The following ZFPM2 variants were observed in gnomAD, a reference collection of about 807,000 sequenced individuals.
ZFPM2 encodes zinc finger protein ZFPM2.
A neutral mutation model predicts 98.6 loss-of-function variants in ZFPM2; 20 were observed. The observed-to-expected ratio is 0.20, with a 90% confidence interval of 0.14 to 0.29. The LOEUF (loss-of-function observed/expected upper bound fraction) is 0.29, where lower values mean the gene tolerates loss of function less well. ZFPM2 is among the 10% of genes least tolerant of loss of function. The pLI is 1.00. For missense variants in ZFPM2, 1,310 were observed against 1,388.6 expected (o/e 0.94, Z 0.90); for synonymous variants, 518 against 502.7 (o/e 1.03, Z -0.41).
At chr8:105,584,288 T>A (rs1815666048) in intron 4 of ZFPM2, among the ~76,000 whole-genome samples, 1 of 152,196 alleles carries the variant, frequency 6.6e-6, no homozygotes, top group African/African-American at 2.4e-5. Flanking sequence ...ATTTTATTTT[T>A]TTTCTAAAGT....
At position 105,647,999 on chromosome 8, in the gene ZFPM2, G is replaced by A. The variant is rs552108709; in HGVS notation, c.532+13642G>A. Reference sequence around the variant, plus strand: ...ACCAGTTTAGAGTCCCACCAACAGTGTAAAAGTGTTCCTATTTCTCCACAT... The same window carrying A: ...ACCAGTTTAGAGTCCCACCAACAGTATAAAAGTGTTCCTATTTCTCCACAT... On this transcript the variant is annotated intron_variant, in intron 5 of 7. Coordinates refer to ENST00000407775, the MANE Select transcript of ZFPM2 (RefSeq NM_012082.4). Among the ~76,000 whole-genome samples, 881 of 152,288 alleles carry A rather than the reference G, an allele frequency of 5.8e-3. 6 individuals carry two copies. The highest frequency in any genetic ancestry group is 0.027 in the Middle Eastern group (8 of 294).
At chr8:105,384,431 T>G (rs935104751) in intron 1 of ZFPM2, among the ~76,000 whole-genome samples, 10 of 151,842 alleles carry the variant, frequency 6.6e-5, no homozygotes, top group African/African-American at 2.4e-4. Flanking sequence ...AGGAGGTGGA[T>G]TATCCATAGA....
intron 4 of ZFPM2, among the ~76,000 whole-genome samples, chr8:105,629,469 G>A (rs1816717878): frequency 6.6e-6 from 1 of 152,162 alleles, no homozygotes; most frequent in African/African-American, 2.4e-5. Context: ...AATAAATGTG[G>A]ATATCTTTTG....
intron 5 of ZFPM2, among the ~76,000 whole-genome samples, chr8:105,729,062 C>T (rs1811872624): frequency 6.6e-6 from 1 of 151,464 alleles, no homozygotes; most frequent in Non-Finnish European, 1.5e-5. Flanking sequence ...CTGATGTTCT[C>T]CTGGAATTTT....
chr8:105,389,325 A>G (rs1811063393), intron 1 of ZFPM2, among the ~76,000 whole-genome samples: 1 of 152,170 alleles, frequency 6.6e-6, no homozygotes, highest in Non-Finnish European at 1.5e-5. Flanking sequence ...ATATATAATG[A>G]AAAGGGACCA....
At chr8:105,727,510 C>T (rs1287863391) in intron 5 of ZFPM2, among the ~76,000 whole-genome samples, 1 of 151,668 alleles carries the variant, frequency 6.6e-6, no homozygotes, top group Non-Finnish European at 1.5e-5. Flanking sequence ...AAGTTTTACT[C>T]CCAATTATGC....
At chr8:105,569,666 C>G (rs967831668) in intron 4 of ZFPM2, among the ~76,000 whole-genome samples, 1 of 152,150 alleles carries the variant, frequency 6.6e-6, no homozygotes, top group Non-Finnish European at 1.5e-5. Context: ...TGAGGTGTTG[C>G]GCCTAGTGAG....
chr8:105,425,927 A>G (rs1349041458), intron 2 of ZFPM2, among the ~76,000 whole-genome samples: 1 of 152,200 alleles, frequency 6.6e-6, no homozygotes, highest in Admixed American at 6.5e-5. Flanking sequence ...GTCAAACATC[A>G]TAGTATTTTG....
At chr8:105,331,582 T>A (rs1256700018) in intron 1 of ZFPM2, among the ~76,000 whole-genome samples, 1 of 151,760 alleles carries the variant, frequency 6.6e-6, no homozygotes, top group South Asian at 2.1e-4. Flanking sequence ...GTTCCTACTC[T>A]CCTAAGAAAG....
intron 1 of ZFPM2, among the ~76,000 whole-genome samples, chr8:105,415,945 A>T (rs763211519): frequency 1.4e-4 from 21 of 152,056 alleles, no homozygotes; most frequent in Non-Finnish European, 2.6e-4. Flanking sequence ...TGTTCAAAAA[A>T]TTTTGAACAA....
At chr8:105,681,406 A>G (rs1335533169) in intron 5 of ZFPM2, among the ~76,000 whole-genome samples, 1 of 152,188 alleles carries the variant, frequency 6.6e-6, no homozygotes, top group East Asian at 1.9e-4. Context: ...CTTTGTAGCA[A>G]CACTTTTTGG....
chr8:105,728,200 A>G (rs780303669), intron 5 of ZFPM2, among the ~76,000 whole-genome samples: 2 of 151,604 alleles, frequency 1.3e-5, no homozygotes, highest in South Asian at 2.1e-4. Context: ...TGAGTTCTAG[A>G]TTGAGTAAAA....
intron 5 of ZFPM2, among the ~76,000 whole-genome samples, chr8:105,735,968 T>G (rs1199015747): frequency 6.6e-6 from 1 of 152,016 alleles, no homozygotes; most frequent in East Asian, 1.9e-4. Context: ...CCTGGAAAGA[T>G]GATTACTCTA....
rs1813987339 is a variant in ZFPM2, at chr8:105,801,081, T to C, written c.999T>C (p.Ala333=). Residue 333 remains alanine, a synonymous_variant, in exon 8 of 8, where the codon GCT becomes GCC. Transcript: ENST00000407775. ...VKMEEFLPPG[A]SLKCTVCSYT... is the part of the protein sequence containing the mutation. ...TGGAAGAATTCCTGCCCCCTGGTGC[T>C]AGTCTAAAATGCACCGTCTGTAGCT... is the stretch of plus-strand genomic sequence containing the variant. 7.4e-6 allele frequency: 12 copies of C among 1,613,692 alleles called. No homozygotes were observed. Among genetic ancestry groups the C allele is most frequent in the African/African-American group, 1.3e-5 (1 of 74,918 alleles).
chr8:105,611,582 G>A (rs1816307894), intron 4 of ZFPM2, among the ~76,000 whole-genome samples: 1 of 151,970 alleles, frequency 6.6e-6, no homozygotes, highest in African/African-American at 2.4e-5. Flanking sequence ...AAATCAGGGA[G>A]ACAGGAACAG....
At chr8:105,437,732 T>C (rs1389625257) in intron 2 of ZFPM2, among the ~76,000 whole-genome samples, 1 of 152,172 alleles carries the variant, frequency 6.6e-6, no homozygotes, top group Admixed American at 6.5e-5. Flanking sequence ...GGAAGGTGGC[T>C]GCCATTTTTA....
At chr8:105,319,114 G>C (rs2130636173) in intron 1 of ZFPM2, 133 bp downstream of exon 1, 1 of 1,103,352 alleles carries the variant, frequency 9.1e-7, no homozygotes, top group East Asian at 4.0e-5. Context: ...CTCAAACTTT[G>C]CCTGAGCAGT....
At chr8:105,624,099 G>C (rs1664559411) in intron 4 of ZFPM2, among the ~76,000 whole-genome samples, 1 of 152,284 alleles carries the variant, frequency 6.6e-6, no homozygotes, top group African/African-American at 2.4e-5. Flanking sequence ...TAACAGAGAA[G>C]GAAGCTGAGA....
At chr8:105,532,023 C>T (rs1170095012) in intron 3 of ZFPM2, among the ~76,000 whole-genome samples, 1 of 152,030 alleles carries the variant, frequency 6.6e-6, no homozygotes, top group Non-Finnish European at 1.5e-5. Context: ...ACTTCAGCCT[C>T]CAGAGTAGCT....
Sources: gnomAD v4.1 joint callset for allele counts (sites outside exome capture counted in the v4.1 genomes callset) on GRCh38, gnomAD v4.1.1 for gene constraint, MANE v1.5 for transcripts, NCBI Gene and HGNC (gene_info 2026-07-23, HGNC 2026-07-21) for gene names.